SBSPON: variants seen among roughly 807,000 people sequenced by gnomAD.
SBSPON encodes somatomedin B and thrombospondin type 1 domain containing.
In SBSPON, 30 loss-of-function variants were observed where a neutral mutation model predicts 35.8. That is an observed-to-expected ratio of 0.84 (90% confidence interval 0.63 to 1.14). SBSPON has a LOEUF of 1.14. SBSPON is among the 50% of genes most tolerant of loss of function. The probability of loss-of-function intolerance (pLI) is 0.00; values close to 1 mark genes in which losing one functional copy is unlikely to be tolerated. For synonymous variants in SBSPON, 136 were observed against 135.9 expected, an observed-to-expected ratio of 1.00 and a Z score of 0.00; for missense variants, 364 against 357.7, an observed-to-expected ratio of 1.02 and a Z score of -0.14.
chr8:73,082,795 C>T (rs1035448544), intron 1 of SBSPON, among the ~76,000 whole-genome samples: 3 of 152,134 alleles, frequency 2.0e-5, no homozygotes, highest in South Asian at 2.1e-4. Flanking sequence ...TCCTAGGCTG[C>T]GAGCTGATTG....
In SBSPON at chr8:73,092,886, T is replaced by G; in HGVS notation, c.182A>C (p.Asp61Ala). The G allele has an allele frequency of 6.2e-7, 1 of 1,611,570 alleles. No homozygotes were observed. The highest frequency in any genetic ancestry group is 1.1e-5 in the South Asian group (1 of 90,790). The change falls in exon 1 of 5, where the codon GAC becomes GCC. Residue 61 changes from aspartate to alanine, a missense_variant. Asp to Ala is a moderately radical substitution (Grantham distance 126). Transcript: ENST00000297354. ...CGCCCTGTCGTAGTCGAAGCAGCAGTCCCCGGTGAAGCGACAGGCTTGGTC... is the reference window on the plus strand; with the variant it reads ...CGCCCTGTCGTAGTCGAAGCAGCAGGCCCCGGTGAAGCGACAGGCTTGGTC... ...FCDQACRFTG[D>A]CCFDYDRACP...
chr8:73,071,760 A>T lies in SBSPON; in HGVS notation c.500+20T>A, dbSNP rs750787683. 91 of 1,488,558 alleles carry T rather than the reference A, an allele frequency of 6.1e-5. No homozygotes were observed. Among genetic ancestry groups the T allele is most frequent in the Non-Finnish European group, 7.6e-5 (82 of 1,079,880 alleles). The allele number at this position is 1,488,558 out of a possible 1,614,324, so 92.2% of individuals were successfully genotyped here. A position where few individuals can be genotyped will look rare whatever the true frequency, so the allele number is the denominator to read the frequency against. On this transcript the variant is annotated intron_variant, in intron 3 of 4. Coordinates refer to ENST00000297354, the MANE Select transcript of SBSPON (RefSeq NM_153225.4). ...ACAATTGAAAAACATGATTAAAAAA[A>T]AAAAAAAACACGAAATTACCCAGCA...
intron 2 of SBSPON, among the ~76,000 whole-genome samples, chr8:73,079,935 A>C (rs1810663004): frequency 6.6e-6 from 1 of 152,212 alleles, no homozygotes; most frequent in Admixed American, 6.5e-5. Flanking sequence ...AAGAAACAAA[A>C]TGGCTTGACA....
Position 73,069,852 on chromosome 8 carries a change from C to T in SBSPON, c.630G>A (p.Met210Ile), listed in dbSNP as rs756620913. 1 of 1,614,136 alleles carries T rather than the reference C, an allele frequency of 6.2e-7. No individual in the cohort carries two copies. The highest frequency in any genetic ancestry group is 2.2e-5 in the East Asian group (1 of 44,880). ...TVCVDCQPPA[M>I]NSVSLRCSGD... The stretch of plus-strand genomic sequence containing the variant: ...CAGAACAACGAAGGCTCACAGAGTT[C>T]ATAGCTGGAGGCTGACAATCCACAC... The change falls in exon 4 of 5, where the codon ATG (methionine) becomes ATA (isoleucine). Residue 210 changes from methionine to isoleucine, a missense_variant. By Grantham distance (10) the Met-to-Ile change is conservative. Transcript: ENST00000297354.
chr8:73,073,183 C>T (rs1240456379), intron 2 of SBSPON, among the ~76,000 whole-genome samples: 1 of 152,248 alleles, frequency 6.6e-6, no homozygotes, highest in Non-Finnish European at 1.5e-5. Flanking sequence ...TGAATGAGGT[C>T]ATGGGCTTGC....
intron 1 of SBSPON, among the ~76,000 whole-genome samples, chr8:73,082,849 T>C (rs1377234209): frequency 6.6e-6 from 1 of 152,260 alleles, no homozygotes; most frequent in Non-Finnish European, 1.5e-5. Context: ...GCCTCTTTTC[T>C]TCCACCTTCA....
In SBSPON at chr8:73,080,890, G is replaced by A. The variant is rs1810684436; in HGVS notation, c.409+129C>T. The A allele has an allele frequency of 8.5e-6, 6 of 706,574 alleles. No individual in the cohort carries two copies. The South Asian group carries it at 1.4e-4, about 16-fold the overall frequency. The allele number at this position is 706,574 out of a possible 1,614,324, so 43.8% of individuals were successfully genotyped here. On this transcript the variant is annotated intron_variant, in intron 2 of 4. Coordinates refer to ENST00000297354, the MANE Select transcript of SBSPON (RefSeq NM_153225.4). ...TTCCTGAGCTTCCTATCTACTTTGG[G>A]CAGCCTGGCCCATACCACTCCCTGT...
intron 1 of SBSPON, among the ~76,000 whole-genome samples, chr8:73,082,541 A>G (rs1282873429): frequency 1.3e-5 from 2 of 152,214 alleles, no homozygotes; most frequent in African/African-American, 4.8e-5. Flanking sequence ...AAATTTCCAT[A>G]CTAGTTTAAA....
At chr8:73,089,669 A>G (rs1256335502) in intron 1 of SBSPON, among the ~76,000 whole-genome samples, 3 of 152,252 alleles carry the variant, frequency 2.0e-5, no homozygotes, top group Non-Finnish European at 4.4e-5. Context: ...TAACGAATAC[A>G]AATTATAGCA....
chr8:73,085,082 T>C (rs571199017), intron 1 of SBSPON, among the ~76,000 whole-genome samples: 3 of 152,084 alleles, frequency 2.0e-5, no homozygotes, highest in Non-Finnish European at 4.4e-5. Flanking sequence ...TGAAGGAGGC[T>C]CCAGCAAAGG....
chr8:73,074,383 G>T (rs574646941), intron 2 of SBSPON: 1 of 155,754 alleles, frequency 6.4e-6, no homozygotes, highest in South Asian at 2.0e-4. Flanking sequence ...AGTTTCCAGG[G>T]ACAACTCTAA....
At chr8:73,069,193 C>T (rs540958069) in intron 4 of SBSPON, among the ~76,000 whole-genome samples, 21 of 152,232 alleles carry the variant, frequency 1.4e-4, no homozygotes, top group Middle Eastern at 3.4e-3. Flanking sequence ...CTCCATCTCA[C>T]GAGATTCTGA....
intron 2 of SBSPON, among the ~76,000 whole-genome samples, chr8:73,080,311 G>A (rs1045350778): frequency 1.3e-5 from 2 of 152,106 alleles, no homozygotes; most frequent in Non-Finnish European, 2.9e-5. Context: ...TCAGGAGATC[G>A]AGACCATCCT....
Position 73,092,723 on chromosome 8 carries a change from G to A in SBSPON, c.214+131C>T, listed in dbSNP as rs1156466671. 20 of 657,934 alleles carry A rather than the reference G, an allele frequency of 3.0e-5. No individual in the cohort carries two copies. The Admixed American group carries it at 5.7e-4, about 19-fold the overall frequency. The allele number at this position is 657,934 out of a possible 1,614,324, so 40.8% of individuals were successfully genotyped here. The stretch of plus-strand genomic sequence containing the variant: ...CCGGGCGTACCTGGATGGCGGTGGT[G>A]GGGATGGGTGGGGATAAAGGGTCTG... On this transcript the variant is annotated intron_variant, in intron 1 of 4. Coordinates refer to ENST00000297354, the MANE Select transcript of SBSPON (RefSeq NM_153225.4).
chr8:73,084,967 G>A (rs896674518), intron 1 of SBSPON, among the ~76,000 whole-genome samples: 1 of 152,148 alleles, frequency 6.6e-6, no homozygotes, highest in Admixed American at 6.5e-5. Flanking sequence ...TTCATTGAAT[G>A]AATGAATGAA....
In SBSPON at chr8:73,075,741, GGTC is replaced by G. The variant is rs1478391107; in HGVS notation, c.410-3874_410-3872del. 9 of 929,512 alleles carry G rather than the reference GGTC, an allele frequency of 9.7e-6. No individual in the cohort carries two copies. In the East Asian group the frequency reaches 1.0e-3, roughly 108 times the overall value. 57.6% of individuals were successfully genotyped at this position (929,512 alleles called of 1,614,324 possible). A position where few individuals can be genotyped will look rare whatever the true frequency, so the allele number is the denominator to read the frequency against. On this transcript the variant is annotated intron_variant, in intron 2 of 4. Transcript: ENST00000297354. ...TCACAAAAGCAGGCCTGGGATCACT[GGTC>G]TATAGTACAGAAGAGAGTAAAATGA... is the stretch of plus-strand genomic sequence containing the variant.
chr8:73,084,182 T>C (rs900539933), intron 1 of SBSPON, among the ~76,000 whole-genome samples: 2 of 152,206 alleles, frequency 1.3e-5, no homozygotes, highest in African/African-American at 4.8e-5. Flanking sequence ...AATTATCAAG[T>C]CCTTGCCCAT....
In SBSPON at chr8:73,079,548, TACAGACCTCAGCCCC is replaced by T. The variant is rs1344585465; in HGVS notation, c.409+1456_409+1470del. On this transcript the variant is annotated intron_variant, in intron 2 of 4. Transcript: ENST00000297354. ...ACTAGTCTGCCTGCCTGGGCAGCTC[TACAGACCTCAGCCCC>T]ACATACCTCAGCCCCACATACCTCA... Among the ~76,000 whole-genome samples, 417 of 152,144 alleles carry T rather than the reference TACAGACCTCAGCCCC, an allele frequency of 2.7e-3. 2 individuals carry two copies. The highest frequency in any genetic ancestry group is 9.4e-3 in the African/African-American group (390 of 41,482).
In SBSPON at chr8:73,081,096, G is replaced by A. The variant is rs1563489520; in HGVS notation, c.332C>T (p.Pro111Leu). Residue 111 changes from proline to leucine, a missense_variant, in exon 2 of 5, where the codon CCC (proline) becomes CTC (leucine). Transcript: ENST00000297354. Reference sequence around the variant, plus strand: ...AGCTCTCTCTTCCAGGGGTGGGCAGGGCGCCCCGCCGTTCTGAGGCTCCTG... The same window carrying A: ...AGCTCTCTCTTCCAGGGGTGGGCAGAGCGCCCCGCCGTTCTGAGGCTCCTG... The part of the protein sequence containing the change: ...VQQEPQNGGA[P>L]CPPLEERAGC... 2 of 1,613,174 alleles carry A rather than the reference G, an allele frequency of 1.2e-6. No homozygotes were observed. The highest frequency in any genetic ancestry group is 1.7e-6 in the Non-Finnish European group (2 of 1,179,584).
Sources: allele counts gnomAD v4.1 joint callset (sites outside exome capture counted in the v4.1 genomes callset), GRCh38; gene constraint gnomAD v4.1.1; transcripts MANE v1.5; gene names NCBI Gene and HGNC (gene_info 2026-07-23, HGNC 2026-07-21).